The following ADARB1 variants were observed in gnomAD, a reference collection of about 807,000 sequenced individuals.
ADARB1 encodes adenosine deaminase RNA specific B1, also known as double-stranded RNA-specific editase 1.
In ADARB1, 10 loss-of-function variants were observed where a neutral mutation model predicts 52.4. That is an observed-to-expected ratio of 0.19 (90% CI 0.12 to 0.32). The LOEUF (loss-of-function observed/expected upper bound fraction) is 0.32. Ranked by LOEUF, ADARB1 falls within the 10% of genes least tolerant of loss-of-function variation. ADARB1 has a pLI of 1.00. For missense variants in ADARB1, 643 were observed against 922.3 expected (o/e 0.70, Z 3.92); for synonymous variants, 349 against 371.1 (o/e 0.94, Z 0.68).
intron 9 of ADARB1, among the ~76,000 whole-genome samples, chr21:45,218,671 C>A (rs564485848): frequency 6.6e-6 from 1 of 152,186 alleles, no homozygotes; most frequent in Non-Finnish European, 1.5e-5. Context: ...TTACTCTGAA[C>A]AGTGAACTGT....
At chr21:45,109,228 T>C (rs1230754037) in intron 1 of ADARB1, among the ~76,000 whole-genome samples, 1 of 149,612 alleles carries the variant, frequency 6.7e-6, no homozygotes, top group Non-Finnish European at 1.5e-5. Flanking sequence ...TGCGCGCTTG[T>C]GTGTATATGT....
At chr21:45,160,711 G>T (rs1189750863) in intron 2 of ADARB1, among the ~76,000 whole-genome samples, 1 of 152,174 alleles carries the variant, frequency 6.6e-6, no homozygotes, top group African/African-American at 2.4e-5. Context: ...AATTTTATTT[G>T]CCTTTTAATC....
chr21:45,083,854 C>T (rs902764927), intron 1 of ADARB1, among the ~76,000 whole-genome samples: 5 of 152,182 alleles, frequency 3.3e-5, no homozygotes, highest in Non-Finnish European at 5.9e-5. Context: ...GTGGATGCCA[C>T]CACACCCGGC....
At position 45,175,806 on chromosome 21, in the gene ADARB1, T is replaced by C; in HGVS notation, c.105T>C (p.Pro35=). 6.2e-7 allele frequency: 1 copy of C among 1,614,184 alleles called. No individual in the cohort carries two copies. The highest frequency in any genetic ancestry group is 8.5e-7 in the Non-Finnish European group (1 of 1,180,030). ...CCAAGGATGGCAGCACACCTGGGCCTGGCGAGGGCTCTCAGCTCTCCAATG... is the reference window on the plus strand; with the variant it reads ...CCAAGGATGGCAGCACACCTGGGCCCGGCGAGGGCTCTCAGCTCTCCAATG... ...VSPKDGSTPG[P]GEGSQLSNGG... is the part of the protein sequence containing the mutation. The change falls in exon 4 of 11, where the codon CCT becomes CCC. Residue 35 remains proline (P), a synonymous_variant. Coordinates refer to ENST00000348831, the MANE Select transcript of ADARB1 (RefSeq NM_001112.4).
chr21:45,143,825 G>A (rs545987951), intron 2 of ADARB1, among the ~76,000 whole-genome samples: 4 of 152,222 alleles, frequency 2.6e-5, no homozygotes, highest in South Asian at 2.1e-4. Context: ...AGTCTTTTCC[G>A]CAATGGCATC....
chr21:45,099,909 A>C (rs886899625), intron 1 of ADARB1, among the ~76,000 whole-genome samples: 5 of 152,096 alleles, frequency 3.3e-5, no homozygotes, highest in Non-Finnish European at 7.4e-5. Context: ...TGTTGGGGTT[A>C]CTTTCCAGAA....
Position 45,223,714 on chromosome 21 carries a change from G to C in ADARB1, c.*1517G>C. 1.0e-6 allele frequency: 1 copy of C among 985,460 alleles called. No homozygotes were observed. The highest frequency in any genetic ancestry group is 1.1e-4 in the East Asian group (1 of 8,806). 61.0% of individuals were successfully genotyped at this position (985,460 alleles called of 1,614,324 possible). A position where few individuals can be genotyped will look rare whatever the true frequency, so the allele number is the denominator to read the frequency against. Reference sequence around the variant, plus strand: ...GAAACCAGAGCAGGGGCAGAGGGGCGTCATCCTCCCACCGGACGCTGGGAG... The same window carrying C: ...GAAACCAGAGCAGGGGCAGAGGGGCCTCATCCTCCCACCGGACGCTGGGAG... On this transcript the variant is annotated 3_prime_UTR_variant, in exon 11 of 11. Transcript: ENST00000348831.
chr21:45,154,477 G>A (rs1402347476), intron 2 of ADARB1, among the ~76,000 whole-genome samples: 1 of 152,182 alleles, frequency 6.6e-6, no homozygotes, highest in Admixed American at 6.5e-5. Flanking sequence ...ATATTTCTAA[G>A]GTACTGTAAA....
In ADARB1 at chr21:45,109,400, C is replaced by T. The variant is rs117967143; in HGVS notation, c.-219-19002C>T. Among the ~76,000 whole-genome samples, 78 of 152,360 alleles carry T rather than the reference C, an allele frequency of 5.1e-4. 1 individual carries two copies. The East Asian group carries it at 0.011, about 21-fold the overall frequency. On this transcript the variant is annotated intron_variant, in intron 1 of 10. Coordinates refer to ENST00000348831, the MANE Select transcript of ADARB1 (RefSeq NM_001112.4). ...AGTTGTCATGAATGCTTTCGTTTAACGAGTCAGGAGCAGTTTCCCATTTTG... is the reference window on the plus strand; with the variant it reads ...AGTTGTCATGAATGCTTTCGTTTAATGAGTCAGGAGCAGTTTCCCATTTTG...
At chr21:45,115,893 G>A (rs1414027996) in intron 1 of ADARB1, among the ~76,000 whole-genome samples, 1 of 152,166 alleles carries the variant, frequency 6.6e-6, no homozygotes, top group Non-Finnish European at 1.5e-5. Flanking sequence ...TTAAATAGTA[G>A]GGATGCTTGC....
rs574341919 is a variant in ADARB1 at position 45,176,211 on chromosome 21, C to T, written c.510C>T (p.Ala170=). The T allele has an allele frequency of 5.6e-5, 90 of 1,614,180 alleles. No individual in the cohort carries two copies. The South Asian group carries it at 8.1e-4, about 15-fold the overall frequency. The change falls in exon 4 of 11, where the codon GCC becomes GCT. Residue 170 remains alanine (A), a synonymous_variant. Coordinates refer to ENST00000348831, the MANE Select transcript of ADARB1 (RefSeq NM_001112.4). The surrounding 1 kb of genome is among the most constrained non-coding windows in gnomAD (Gnocchi z 5.8). ...ACACGGACTTCACATCTGACCAGGC[C>T]GACTTCCCTGACACGCTCTTCAATG... ...SVNTDFTSDQ[A]DFPDTLFNGF... is the part of the protein sequence containing the mutation.
intron 2 of ADARB1, among the ~76,000 whole-genome samples, chr21:45,138,389 A>T (rs2089511688): frequency 6.6e-6 from 1 of 152,206 alleles, no homozygotes; most frequent in Non-Finnish European, 1.5e-5. Context: ...AGTAATCCAG[A>T]GGGAGGAGTT....
At position 45,222,470 on chromosome 21, in the gene ADARB1, C is replaced by A. The variant is rs1016092744; in HGVS notation, c.*273C>A. On this transcript the variant is annotated 3_prime_UTR_variant, in exon 11 of 11. Transcript: ENST00000348831. ...CCCCTTCTGAACCGTCCAGTGACTG[C>A]TTTCAATCTCGGTTTACGTTTAGAA... 5 of 1,216,580 alleles carry A rather than the reference C, an allele frequency of 4.1e-6. No homozygotes were observed. Among genetic ancestry groups the A allele is most frequent in the Non-Finnish European group, 5.1e-6 (5 of 977,550 alleles). 75.4% of individuals were successfully genotyped at this position (1,216,580 alleles called of 1,614,324 possible). A position where few individuals can be genotyped will look rare whatever the true frequency, so the allele number is the denominator to read the frequency against.
intron 1 of ADARB1, among the ~76,000 whole-genome samples, chr21:45,089,773 C>T (rs1396141081): frequency 1.3e-5 from 2 of 152,152 alleles, no homozygotes; most frequent in Non-Finnish European, 2.9e-5. Context: ...AATGATATTT[C>T]AAATTGCTTA....
rs114027650 is a variant in ADARB1, at chr21:45,180,341, C to T, written c.975C>T (p.Asp325=). The change falls in exon 5 of 11, where the codon GAC becomes GAT. Residue 325 remains aspartate, a synonymous_variant. Coordinates refer to ENST00000348831, the MANE Select transcript of ADARB1 (RefSeq NM_001112.4). ...TGCTTCCCACACAGGTTTTAGCTGA[C>T]GCTGTCTCACGCCTGGTCCTGGGTA... ...LQLHLPQVLA[D]AVSRLVLGKF... The T allele has an allele frequency of 8.8e-4, 1,418 of 1,613,850 alleles. 14 individuals carry two copies. In the African/African-American group the frequency reaches 0.016, roughly 19 times the overall value.
intron 2 of ADARB1, among the ~76,000 whole-genome samples, chr21:45,146,454 G>A (rs959709199): frequency 3.9e-5 from 6 of 152,220 alleles, no homozygotes; most frequent in African/African-American, 7.2e-5. Context: ...CAGCCGGACC[G>A]GGACTCTCCC....
In ADARB1 at chr21:45,112,342, A is replaced by G. The variant is rs376553617; in HGVS notation, c.-219-16060A>G. On this transcript the variant is annotated intron_variant, in intron 1 of 10. Transcript: ENST00000348831. ...CCTTTTTTATTCGGTGTAAAGAGGC[A>G]CAGGGACTTCATATCTGCTATAGAT... Among the ~76,000 whole-genome samples, 16 of 152,318 alleles carry G rather than the reference A, an allele frequency of 1.1e-4. No homozygotes were observed. In the East Asian group the frequency reaches 2.3e-3, roughly 22 times the overall value.
intron 2 of ADARB1, chr21:45,152,612 G>A: frequency 2.3e-6 from 1 of 432,330 alleles, no homozygotes; most frequent in Non-Finnish European, 4.7e-6. Context: ...TGTCTGCATG[G>A]CGTCGTCCAC....
chr21:45,125,892 C>T (rs376365601), intron 1 of ADARB1, among the ~76,000 whole-genome samples: 15 of 152,254 alleles, frequency 9.9e-5, no homozygotes, highest in African/African-American at 3.6e-4. Flanking sequence ...TTCTTCTCTC[C>T]CTGACTTGTT....
Sources: gnomAD v4.1 joint callset for allele counts (sites outside exome capture counted in the v4.1 genomes callset) on GRCh38, gnomAD v4.1.1 for gene constraint, Gnocchi (gnomAD v3.1) non-coding constraint, MANE v1.5 for transcripts, NCBI Gene and HGNC (gene_info 2026-07-23, HGNC 2026-07-21) for gene names.